GRXCR1: variants seen among roughly 807,000 people sequenced by gnomAD.
GRXCR1 encodes glutaredoxin and cysteine rich domain containing 1.
In GRXCR1, 27 loss-of-function variants were observed where a neutral mutation model predicts 27.3. The ratio of observed to expected loss-of-function variants is 0.99; its 90% CI spans 0.73 to 1.37. The LOEUF is 1.37. Ranked by LOEUF, GRXCR1 falls within the 40% of genes most tolerant of loss-of-function variation. The pLI, the probability that GRXCR1 is intolerant of heterozygous loss-of-function variation, is 0.00. For missense variants in GRXCR1, 379 were observed against 354.4 expected (o/e 1.07, Z -0.56); for synonymous variants, 122 against 131.1 (o/e 0.93, Z 0.47).
chr4:42,895,939 T>A (rs1464548841), intron 1 of GRXCR1, among the ~76,000 whole-genome samples: 2 of 152,112 alleles, frequency 1.3e-5, no homozygotes, highest in Admixed American at 1.3e-4. Flanking sequence ...TGTAATTTAG[T>A]AATCTCCCTC....
At chr4:42,935,153 G>A (rs1269020738) in intron 1 of GRXCR1, among the ~76,000 whole-genome samples, 1 of 151,962 alleles carries the variant, frequency 6.6e-6, no homozygotes, top group African/African-American at 2.4e-5. Context: ...TTACATATAA[G>A]TGAAAGACAT....
At chr4:42,950,921 C>T (rs1458860028) in intron 1 of GRXCR1, among the ~76,000 whole-genome samples, 1 of 146,854 alleles carries the variant, frequency 6.8e-6, no homozygotes, top group Non-Finnish European at 1.5e-5. Context: ...GTCTATATTT[C>T]TCTCTCTCTC....
chr4:43,025,211 C>T (rs1713216395), intron 3 of GRXCR1, among the ~76,000 whole-genome samples: 1 of 152,048 alleles, frequency 6.6e-6, no homozygotes, highest in African/African-American at 2.4e-5. Flanking sequence ...CGTTTTTGTC[C>T]TTTGTTAGAG....
chr4:42,943,874 G>A lies in GRXCR1; in HGVS notation c.385-19018G>A, dbSNP rs375660153. Among the ~76,000 whole-genome samples, 23 of 152,054 alleles carry A rather than the reference G, an allele frequency of 1.5e-4. No homozygotes were observed. In the East Asian group the frequency reaches 1.9e-3, roughly 13 times the overall value. ...CTGCTATCTAATGGGTAGATGCCAT[G>A]TATACCTCTAAACACTCTACAATGT... On this transcript the variant is annotated intron_variant, in intron 1 of 3. Transcript: ENST00000399770.
At chr4:42,948,353 T>C (rs975968649) in intron 1 of GRXCR1, among the ~76,000 whole-genome samples, 2 of 152,146 alleles carry the variant, frequency 1.3e-5, no homozygotes, top group Admixed American at 1.3e-4. Flanking sequence ...CACTTGTTTC[T>C]TTTTTATGCC....
intron 1 of GRXCR1, among the ~76,000 whole-genome samples, chr4:42,923,951 A>T (rs1747082725): frequency 6.6e-6 from 1 of 152,090 alleles, no homozygotes; most frequent in South Asian, 2.1e-4. Context: ...TCTATTTTAT[A>T]TTAAAAAGTA....
rs1299790882 is a variant in GRXCR1 at position 42,893,558 on chromosome 4, A to G, written c.292A>G (p.Asn98Asp). ...GAAGGGTTTTGGTACAAGAAGAGTC[A>G]ACATTTTAAGCAAAAATGGCACAGT... Reference protein sequence around the residue: ...SEKGFGTRRVNILSKNGTVRG... With the variant: ...SEKGFGTRRVDILSKNGTVRG... Residue 98 changes from asparagine (N) to aspartate (D), a missense_variant, in exon 1 of 4, where the codon AAC (asparagine) becomes GAC (aspartate). Coordinates refer to ENST00000399770, the MANE Select transcript of GRXCR1 (RefSeq NM_001080476.3). 6.2e-7 allele frequency: 1 copy of G among 1,613,846 alleles called. No individual in the cohort carries two copies. The highest frequency in any genetic ancestry group is 1.1e-5 in the South Asian group (1 of 91,082).
intron 1 of GRXCR1, among the ~76,000 whole-genome samples, chr4:42,906,126 G>A (rs967139096): frequency 6.6e-6 from 1 of 151,932 alleles, no homozygotes; most frequent in Non-Finnish European, 1.5e-5. Context: ...CACCTTTTGG[G>A]TTTAATTATT....
At chr4:42,951,264 G>A (rs1747876108) in intron 1 of GRXCR1, among the ~76,000 whole-genome samples, 3 of 152,264 alleles carry the variant, frequency 2.0e-5, no homozygotes, top group Middle Eastern at 3.4e-3. Context: ...ACCTACATCA[G>A]GGAAGGCTAT....
chr4:43,020,851 T>G (rs1246149083), intron 3 of GRXCR1, among the ~76,000 whole-genome samples: 1 of 152,240 alleles, frequency 6.6e-6, no homozygotes, highest in African/African-American at 2.4e-5. Context: ...TTAATTTGTA[T>G]TCCTGTGCTT....
At chr4:42,901,805 C>T (rs1290861572) in intron 1 of GRXCR1, among the ~76,000 whole-genome samples, 1 of 152,146 alleles carries the variant, frequency 6.6e-6, no homozygotes, top group Non-Finnish European at 1.5e-5. Flanking sequence ...ATACTTTTGC[C>T]ATGGCCACCA....
chr4:42,901,194 A>T (rs1431393196), intron 1 of GRXCR1, among the ~76,000 whole-genome samples: 1 of 152,188 alleles, frequency 6.6e-6, no homozygotes, highest in Non-Finnish European at 1.5e-5. Context: ...TATTCAGAAG[A>T]GACTGAACAA....
chr4:42,957,212 A>G (rs1294457659), intron 1 of GRXCR1, among the ~76,000 whole-genome samples: 2 of 152,080 alleles, frequency 1.3e-5, no homozygotes, highest in Non-Finnish European at 2.9e-5. Context: ...ACAAGAAGAG[A>G]AGGTACCCAC....
In GRXCR1 at chr4:42,995,342, C is replaced by A. The variant is rs34883059; in HGVS notation, c.628-25012C>A. ...CCTGCTTTGGAAAATTTGCCATGCA[C>A]CTTTTACTATAAAGAGTTTTAAACC... On this transcript the variant is annotated intron_variant, in intron 2 of 3. Coordinates refer to ENST00000399770, the MANE Select transcript of GRXCR1 (RefSeq NM_001080476.3). 9.6e-3 allele frequency among the ~76,000 whole-genome samples: 1,455 copies of A among 152,274 alleles called. 7 individuals carry two copies. The highest frequency in any genetic ancestry group is 0.014 in the Non-Finnish European group (975 of 68,008).
At chr4:42,921,160 T>G (rs1161412037) in intron 1 of GRXCR1, among the ~76,000 whole-genome samples, 1 of 152,006 alleles carries the variant, frequency 6.6e-6, no homozygotes, top group African/African-American at 2.4e-5. Context: ...TTTGTTCTCT[T>G]ATAATATAGG....
intron 2 of GRXCR1, among the ~76,000 whole-genome samples, chr4:42,968,376 TAAC>T (rs1334612996): frequency 2.0e-5 from 3 of 152,232 alleles, no homozygotes; most frequent in Non-Finnish European, 4.4e-5. Flanking sequence ...TCTGGCAAAA[TAAC>T]AAAGTAAAAT....
At chr4:43,012,603 G>A (rs1203905816) in intron 2 of GRXCR1, among the ~76,000 whole-genome samples, 1 of 151,982 alleles carries the variant, frequency 6.6e-6, no homozygotes. Context: ...TTCATATTAT[G>A]TGTCATGCAA....
chr4:42,992,330 G>A (rs1184843900), intron 2 of GRXCR1, among the ~76,000 whole-genome samples: 2 of 152,034 alleles, frequency 1.3e-5, no homozygotes, highest in East Asian at 1.9e-4. Flanking sequence ...AATGCTATAC[G>A]TCAAACCTGG....
intron 1 of GRXCR1, among the ~76,000 whole-genome samples, chr4:42,950,406 G>A (rs1747854896): frequency 6.6e-6 from 1 of 152,144 alleles, no homozygotes; most frequent in Non-Finnish European, 1.5e-5. Context: ...TTTGAGATTA[G>A]AGGCTCCTGA....
Sources: gnomAD v4.1 joint callset for allele counts (sites outside exome capture counted in the v4.1 genomes callset) on GRCh38, gnomAD v4.1.1 for gene constraint, MANE v1.5 for transcripts, NCBI Gene and HGNC (gene_info 2026-07-23, HGNC 2026-07-21) for gene names.